The following STARD9 variants were observed in gnomAD, a reference collection of about 807,000 sequenced individuals.
STARD9 encodes stAR-related lipid transfer protein 9.
STARD9 carries 346 observed loss-of-function variants against 399.8 expected under a neutral mutation model. The ratio of observed to expected loss-of-function variants is 0.87; its 90% CI spans 0.79 to 0.95. The LOEUF (loss-of-function observed/expected upper bound fraction) is 0.95. Among genes scored for constraint, STARD9 ranks in the 40% least tolerant of loss-of-function variants. The pLI is 0.00. For synonymous variants in STARD9, 2,203 were observed against 2,143.5 expected, an observed-to-expected ratio of 1.03 and a Z score of -0.77; for missense variants, 5,832 against 5,667.5, an observed-to-expected ratio of 1.03 and a Z score of -0.93.
In STARD9 at chr15:42,686,363, A is replaced by G; in HGVS notation, c.4785A>G (p.Glu1595=). ...SYDETYSADL[E]SLSASRSTNA... ...ACGAAACTTATTCGGCAGACTTAGA[A>G]TCATTGTCTGCTTCTCGATCTACAA... Residue 1595 remains glutamate (E), a synonymous_variant, in exon 23 of 33, where the codon GAA becomes GAG. Transcript: ENST00000290607. The G allele has an allele frequency of 6.5e-7, 1 of 1,537,494 alleles. No individual in the cohort carries two copies. The highest frequency in any genetic ancestry group is 8.7e-7 in the Non-Finnish European group (1 of 1,146,992).
chr15:42,630,732 C>G (rs1038136131), intron 3 of STARD9, among the ~76,000 whole-genome samples: 2 of 152,082 alleles, frequency 1.3e-5, no homozygotes, highest in African/African-American at 2.4e-5. Flanking sequence ...ATAGTAGTCT[C>G]TAATGGGACT....
chr15:42,682,140 C>T lies in STARD9; in HGVS notation c.2102C>T (p.Ala701Val), dbSNP rs758392757. 1 of 1,537,134 alleles carries T rather than the reference C, an allele frequency of 6.5e-7. No individual in the cohort carries two copies. The highest frequency in any genetic ancestry group is 8.7e-7 in the Non-Finnish European group (1 of 1,146,846). The change falls in exon 22 of 33, where the codon GCC (alanine) becomes GTC (valine). Residue 701 changes from alanine to valine, a missense_variant. Ala to Val is a moderately conservative substitution (Grantham distance 64). Around this residue, in one of 2 missense-constraint regions of STARD9, gnomAD observed 5,828 missense variants for 5,651.1 expected, o/e 1.03. Coordinates refer to ENST00000290607, the MANE Select transcript of STARD9 (RefSeq NM_020759.3). Reference sequence around the variant, plus strand: ...CTGCTCAGAGAAGAGACCTGGCTGGCCAGCTTGCAACAGCAGCAGCAAGAA... The same window carrying T: ...CTGCTCAGAGAAGAGACCTGGCTGGTCAGCTTGCAACAGCAGCAGCAAGAA... ...QCLLREETWL[A>V]SLQQQQQEDQ... is the part of the protein sequence containing the mutation.
chr15:42,712,111 A>ATATATAATATATATAAT (rs55808206), intron 26 of STARD9, among the ~76,000 whole-genome samples: 1 of 3,184 alleles, frequency 3.1e-4, no homozygotes, highest in African/African-American at 1.9e-3. Context: ...TATAATATAT[A>ATATATAATATATATAAT]ATATATAATA....
In STARD9 at chr15:42,688,226, A is replaced by G. The variant is rs186711423; in HGVS notation, c.6648A>G (p.Leu2216=). 1.5e-4 allele frequency: 230 copies of G among 1,537,540 alleles called. No individual in the cohort carries two copies. In the African/African-American group the frequency reaches 2.9e-3, roughly 20 times the overall value. Residue 2216 remains leucine (L), a synonymous_variant, in exon 23 of 33, where the codon CTA becomes CTG. Coordinates refer to ENST00000290607, the MANE Select transcript of STARD9 (RefSeq NM_020759.3). ...GAGCTCTGCCATTGCAACCCAGGCT[A>G]GAGAGGTCTTCTAAGAATAATGGCC... ...LARALPLQPR[L]ERSSKNNGQF...
At chr15:42,704,632 TC>T (rs1410987556) in intron 26 of STARD9, among the ~76,000 whole-genome samples, 1 of 152,146 alleles carries the variant, frequency 6.6e-6, no homozygotes, top group Non-Finnish European at 1.5e-5. Flanking sequence ...GACTCCAATG[TC>T]CCTGGCCCCG....
At chr15:42,616,371 T>A (rs1203297038) in intron 3 of STARD9, among the ~76,000 whole-genome samples, 2 of 152,250 alleles carry the variant, frequency 1.3e-5, no homozygotes, top group African/African-American at 2.4e-5. Context: ...GGAGACATGG[T>A]AAAGTTTCTT....
At chr15:42,645,784 C>A (rs1305564671) in intron 7 of STARD9, among the ~76,000 whole-genome samples, 1 of 152,084 alleles carries the variant, frequency 6.6e-6, no homozygotes, top group Non-Finnish European at 1.5e-5. Flanking sequence ...TCAAGAGATC[C>A]ACCTGCCTTG....
intron 3 of STARD9, among the ~76,000 whole-genome samples, chr15:42,606,920 C>G (rs147157179): frequency 6.6e-6 from 1 of 152,062 alleles, no homozygotes; most frequent in Non-Finnish European, 1.5e-5. Flanking sequence ...TTCACTCATT[C>G]TGACCCAGAG....
chr15:42,603,637 G>A (rs886833161), intron 3 of STARD9, among the ~76,000 whole-genome samples: 5 of 152,068 alleles, frequency 3.3e-5, no homozygotes, highest in Admixed American at 6.6e-5. Flanking sequence ...ATGTGGAGAC[G>A]AGGGTTTTTA....
intron 9 of STARD9, among the ~76,000 whole-genome samples, chr15:42,660,424 C>T (rs1363718612): frequency 2.0e-5 from 3 of 151,452 alleles, no homozygotes; most frequent in African/African-American, 7.3e-5. Context: ...ATTAGCCAGG[C>T]CTGGTGGTGC....
chr15:42,671,052 T>A (rs2060193284), intron 16 of STARD9: 1 of 151,330 alleles, frequency 6.6e-6, no homozygotes, highest in Non-Finnish European at 1.5e-5. Flanking sequence ...AGCAGAGGGT[T>A]AAAGGACATG....
chr15:42,689,200 C>T lies in STARD9; in HGVS notation c.7622C>T (p.Pro2541Leu), dbSNP rs981036484. The change falls in exon 23 of 33, where the codon CCC becomes CTC. Residue 2541 changes from proline to leucine, a missense_variant. Transcript: ENST00000290607. ...VPSPEPRLLE[P>L]SDHASMCLAI... Reference sequence around the variant, plus strand: ...AGTCCAGAGCCTAGGCTGTTGGAGCCCTCTGACCATGCATCCATGTGCCTG... The same window carrying T: ...AGTCCAGAGCCTAGGCTGTTGGAGCTCTCTGACCATGCATCCATGTGCCTG... 3.3e-6 allele frequency: 5 copies of T among 1,537,128 alleles called. No individual in the cohort carries two copies. The highest frequency in any genetic ancestry group is 4.4e-6 in the Non-Finnish European group (5 of 1,146,924).
intron 7 of STARD9, among the ~76,000 whole-genome samples, chr15:42,650,289 T>A (rs1029833460): frequency 9.2e-5 from 14 of 152,204 alleles, no homozygotes; most frequent in African/African-American, 3.4e-4. Flanking sequence ...TAATTGTATT[T>A]AGCAATAAGC....
Position 42,690,638 on chromosome 15 carries a change from C to G in STARD9, c.9060C>G (p.His3020Gln). ...TGEISRGPDV[H>Q]LTHGLEPKDV... The stretch of plus-strand genomic sequence containing the variant: ...AGATCTCTAGGGGACCTGATGTGCA[C>G]TTGACACATGGCCTTGAGCCCAAAG... Residue 3020 changes from histidine (H) to glutamine (Q), a missense_variant, in exon 23 of 33, where the codon CAC (histidine) becomes CAG (glutamine). His to Gln is a conservative substitution (Grantham distance 24, BLOSUM62 0). Transcript: ENST00000290607. The G allele has an allele frequency of 1.3e-6, 2 of 1,537,236 alleles. No individual in the cohort carries two copies. The highest frequency in any genetic ancestry group is 1.7e-6 in the Non-Finnish European group (2 of 1,146,894).
chr15:42,612,704 G>T (rs182602472), intron 3 of STARD9, among the ~76,000 whole-genome samples: 1 of 152,288 alleles, frequency 6.6e-6, no homozygotes, highest in African/African-American at 2.4e-5. Context: ...GCAAAATCCA[G>T]CAGGTTGCAG....
intron 10 of STARD9, among the ~76,000 whole-genome samples, chr15:42,662,415 A>G (rs1213518489): frequency 1.3e-5 from 2 of 152,226 alleles, no homozygotes; most frequent in African/African-American, 4.8e-5. Context: ...AAAGAAATTC[A>G]AACTGTTGTC....
chr15:42,577,775 G>A (rs570029807), intron 1 of STARD9, among the ~76,000 whole-genome samples: 2 of 152,304 alleles, frequency 1.3e-5, no homozygotes, highest in African/African-American at 4.8e-5. Context: ...CTGTTCTTCA[G>A]GGGGTGTTAT....
chr15:42,624,791 C>T (rs1212200939), intron 3 of STARD9, among the ~76,000 whole-genome samples: 2 of 152,112 alleles, frequency 1.3e-5, no homozygotes, highest in African/African-American at 4.8e-5. Flanking sequence ...TCAGGTGATT[C>T]ACCTGCCCTG....
rs1595777164 is a variant in STARD9 at position 42,688,423 on chromosome 15, G to A, written c.6845G>A (p.Arg2282Lys). 3.3e-6 allele frequency: 5 copies of A among 1,537,668 alleles called. No homozygotes were observed. The South Asian group carries it at 5.9e-5, about 18-fold the overall frequency. The stretch of plus-strand genomic sequence containing the variant: ...AAAGTTGAAGAAATGCCTATGCAAA[G>A]GGGAGGCAGCCTTCAGGAAGAAAAT... The part of the protein sequence containing the change: ...QGKVEEMPMQ[R>K]GGSLQEENKV... The change falls in exon 23 of 33, where the codon AGG becomes AAG. Residue 2282 changes from arginine (R) to lysine (K), a missense_variant. This residue lies in a region of STARD9 where 5,828 missense variants were observed against 5,651.1 expected (regional missense o/e 1.03). Coordinates refer to ENST00000290607, the MANE Select transcript of STARD9 (RefSeq NM_020759.3).
Sources: gnomAD v4.1 joint callset for allele counts (sites outside exome capture counted in the v4.1 genomes callset) on GRCh38, gnomAD v4.1.1 for gene constraint, gnomAD v4.1.1 regional missense constraint, MANE v1.5 for transcripts, NCBI Gene and HGNC (gene_info 2026-07-23, HGNC 2026-07-21) for gene names.